The following KCTD16 variants were observed in gnomAD, a reference collection of about 807,000 sequenced individuals.
KCTD16 encodes the protein BTB/POZ domain-containing protein KCTD16.
A neutral mutation model predicts 33.2 loss-of-function variants in KCTD16; 13 were observed. The observed-to-expected ratio is 0.39, with a 90% confidence interval of 0.25 to 0.62. The LOEUF (loss-of-function observed/expected upper bound fraction) is 0.62, where lower values mean the gene tolerates loss of function less well. Among genes scored for constraint, KCTD16 ranks in the 20% least tolerant of loss-of-function variants. KCTD16 has a pLI of 0.50. For missense variants in KCTD16, 441 were observed against 525.1 expected (o/e 0.84, Z 1.57); for synonymous variants, 197 against 195.3 (o/e 1.01, Z -0.07).
chr5:144,271,509 A>G (rs1192753095), intron 3 of KCTD16, among the ~76,000 whole-genome samples: 1 of 152,082 alleles, frequency 6.6e-6, no homozygotes, highest in Non-Finnish European at 1.5e-5. Context: ...TCAACATAAT[A>G]TAAGCCATAT....
At chr5:144,276,730 C>T (rs1460779674) in intron 3 of KCTD16, among the ~76,000 whole-genome samples, 1 of 151,974 alleles carries the variant, frequency 6.6e-6, no homozygotes, top group Non-Finnish European at 1.5e-5. Flanking sequence ...ATGGTGAAAC[C>T]CTGTCTCTGC....
chr5:144,389,906 C>A (rs1752411825), intron 3 of KCTD16, among the ~76,000 whole-genome samples: 2 of 152,172 alleles, frequency 1.3e-5, no homozygotes, highest in South Asian at 4.1e-4. Flanking sequence ...AAGTTAGTTT[C>A]TCTTTCTTCT....
At chr5:144,467,701 ATTT>A (rs1370330818) in intron 3 of KCTD16, among the ~76,000 whole-genome samples, 1 of 151,788 alleles carries the variant, frequency 6.6e-6, no homozygotes, top group Non-Finnish European at 1.5e-5. Flanking sequence ...AAGTGAGGTG[ATTT>A]TTTGTTTGTT....
chr5:144,288,504 G>A (rs1755808630), intron 3 of KCTD16, among the ~76,000 whole-genome samples: 1 of 152,144 alleles, frequency 6.6e-6, no homozygotes, highest in Admixed American at 6.5e-5. Context: ...CCAACAGATG[G>A]TTGGTGGACC....
In KCTD16 at chr5:144,317,520, C is replaced by G. The variant is rs553673437; in HGVS notation, c.832+109974C>G. Among the ~76,000 whole-genome samples the G allele has an allele frequency of 4.6e-5, 7 of 152,262 alleles. No homozygotes were observed. In the East Asian group the frequency reaches 1.2e-3, roughly 25 times the overall value. On this transcript the variant is annotated intron_variant, in intron 3 of 3. Coordinates refer to ENST00000512467, the MANE Select transcript of KCTD16 (RefSeq NM_020768.4). ...TGAACCATTGGTCAACCGGAGAAAG[C>G]CCAAACTTCTTAATGTGGTCTATAA...
At chr5:144,299,144 ATATATTTT>A (rs1171922784) in intron 3 of KCTD16, among the ~76,000 whole-genome samples, 19 of 15,834 alleles carry the variant, frequency 1.2e-3, no homozygotes, top group Non-Finnish European at 1.6e-3. Flanking sequence ...ATATATATAT[ATATATTTT>A]TTTTTTTTTT....
intron 3 of KCTD16, among the ~76,000 whole-genome samples, chr5:144,228,745 G>T (rs970132742): frequency 6.6e-6 from 1 of 152,174 alleles, no homozygotes; most frequent in Non-Finnish European, 1.5e-5. Flanking sequence ...GAAGGAATGA[G>T]ATTGAGTGCA....
At position 144,237,355 on chromosome 5, in the gene KCTD16, A is replaced by G. The variant is rs539676648; in HGVS notation, c.832+29809A>G. 5.3e-5 allele frequency among the ~76,000 whole-genome samples: 8 copies of G among 152,222 alleles called. No individual in the cohort carries two copies. In the East Asian group the frequency reaches 1.5e-3, roughly 29 times the overall value. On this transcript the variant is annotated intron_variant, in intron 3 of 3. Transcript: ENST00000512467. The stretch of plus-strand genomic sequence containing the variant: ...TAATTATAATTTGGCATATTGGTAC[A>G]TATTAAAGTTGAGCAGATGGTGCCA...
intron 3 of KCTD16, among the ~76,000 whole-genome samples, chr5:144,249,153 C>T (rs1754629027): frequency 6.6e-6 from 1 of 152,132 alleles, no homozygotes; most frequent in Admixed American, 6.6e-5. Flanking sequence ...TCTCATGCTA[C>T]TTCTATAAGG....
intron 3 of KCTD16, among the ~76,000 whole-genome samples, chr5:144,447,998 A>G (rs1331871961): frequency 1.3e-5 from 2 of 152,062 alleles, no homozygotes; most frequent in Admixed American, 1.3e-4. Flanking sequence ...TTTAAGGACC[A>G]CTAACTAGAA....
At chr5:144,400,672 C>G (rs978555910) in intron 3 of KCTD16, among the ~76,000 whole-genome samples, 1 of 152,004 alleles carries the variant, frequency 6.6e-6, no homozygotes, top group Non-Finnish European at 1.5e-5. Context: ...AGGTCTCTAC[C>G]TACATAGATC....
chr5:144,443,612 G>T, intron 3 of KCTD16, among the ~76,000 whole-genome samples: 1 of 152,122 alleles, frequency 6.6e-6, no homozygotes, highest in South Asian at 2.1e-4. Context: ...AGATGATGAA[G>T]TGTTTTTCTG....
chr5:144,461,961 C>A (rs1362038119), intron 3 of KCTD16, among the ~76,000 whole-genome samples: 1 of 152,226 alleles, frequency 6.6e-6, no homozygotes, highest in Non-Finnish European at 1.5e-5. Flanking sequence ...CAAAGTCACA[C>A]TGGGTGCCCT....
intron 3 of KCTD16, among the ~76,000 whole-genome samples, chr5:144,379,774 G>A (rs1752169126): frequency 6.6e-6 from 1 of 151,998 alleles, no homozygotes; most frequent in South Asian, 2.1e-4. Context: ...GAGAATTTTA[G>A]CTAGGCTGAG....
At chr5:144,310,585 T>A (rs199606830) in intron 3 of KCTD16, among the ~76,000 whole-genome samples, 32,415 of 123,558 alleles carry the variant, frequency 0.26, 3,895 homozygotes, top group Non-Finnish European at 0.29. Flanking sequence ...ATATTATATA[T>A]TTTTTTTGAT....
At chr5:144,373,802 T>C (rs886626346) in intron 3 of KCTD16, among the ~76,000 whole-genome samples, 2 of 152,218 alleles carry the variant, frequency 1.3e-5, no homozygotes, top group African/African-American at 4.8e-5. Context: ...TAATAATTGG[T>C]AAGATGAGGT....
intron 3 of KCTD16, among the ~76,000 whole-genome samples, chr5:144,286,362 G>T (rs1755746094): frequency 6.6e-6 from 1 of 152,050 alleles, no homozygotes. Flanking sequence ...GAATTATCAG[G>T]CTGTACTTCA....
chr5:144,389,758 A>G (rs1474314742), intron 3 of KCTD16, among the ~76,000 whole-genome samples: 1 of 152,202 alleles, frequency 6.6e-6, no homozygotes, highest in Non-Finnish European at 1.5e-5. Flanking sequence ...AAGAAGAATC[A>G]TAAGAAGTAT....
chr5:144,417,258 C>G (rs992003904), intron 3 of KCTD16, among the ~76,000 whole-genome samples: 1 of 152,082 alleles, frequency 6.6e-6, no homozygotes, highest in Non-Finnish European at 1.5e-5. Flanking sequence ...AATTTCTTTA[C>G]CTCTTCATCA....
Sources: gnomAD v4.1 joint callset for allele counts (sites outside exome capture counted in the v4.1 genomes callset) on GRCh38, gnomAD v4.1.1 for gene constraint, MANE v1.5 for transcripts, NCBI Gene and HGNC (gene_info 2026-07-23, HGNC 2026-07-21) for gene names.